EPG5: variants seen among roughly 807,000 people sequenced by gnomAD.
The protein encoded by EPG5 is ectopic P granules protein 5 homolog.
A neutral mutation model predicts 302.7 loss-of-function variants in EPG5; 159 were observed. That is an observed-to-expected ratio of 0.53 (90% confidence interval 0.46 to 0.60). The LOEUF (loss-of-function observed/expected upper bound fraction) is 0.60. EPG5 is among the 20% of genes least tolerant of loss of function. The pLI is 0.00. For synonymous variants in EPG5, 1,158 were observed against 1,136.8 expected, an observed-to-expected ratio of 1.02 and a Z score of -0.37; for missense variants, 2,896 against 3,092.4, an observed-to-expected ratio of 0.94 and a Z score of 1.51.
intron 27 of EPG5, among the ~76,000 whole-genome samples, chr18:45,894,946 G>A (rs1024870079): frequency 6.6e-6 from 1 of 152,150 alleles, no homozygotes; most frequent in African/African-American, 2.4e-5. Context: ...TGAGTAATGA[G>A]AGAATGGAAA....
Position 45,852,742 on chromosome 18 carries a change from A to G in EPG5, c.7558-93T>C, listed in dbSNP as rs560985671. The G allele has an allele frequency of 7.8e-4, 870 of 1,109,374 alleles. 5 individuals carry two copies. Among genetic ancestry groups the G allele is most frequent in the Admixed American group, 8.2e-4 (39 of 47,470 alleles). The allele number at this position is 1,109,374 out of a possible 1,614,324, so 68.7% of individuals were successfully genotyped here. On this transcript the variant is annotated intron_variant, in intron 43 of 43. Coordinates refer to ENST00000282041, the MANE Select transcript of EPG5 (RefSeq NM_020964.3). Reference sequence around the variant, plus strand: ...CACACCCATTATCACTGTGTACTTCAACTGTGAGCCTTGTGGGAAGGAGGC... The same window carrying G: ...CACACCCATTATCACTGTGTACTTCGACTGTGAGCCTTGTGGGAAGGAGGC...
chr18:45,873,894 C>T (rs532217896), intron 35 of EPG5, among the ~76,000 whole-genome samples: 2 of 152,262 alleles, frequency 1.3e-5, no homozygotes, highest in South Asian at 4.1e-4. Context: ...AAAGAGACTT[C>T]AATGTCTATT....
intron 28 of EPG5, 113 bp from the exon 29 acceptor site, chr18:45,888,020 A>G (rs2049255626): frequency 1.3e-6 from 1 of 777,460 alleles, no homozygotes; most frequent in Non-Finnish European, 1.9e-6. Flanking sequence ...TCCTCAGAGC[A>G]CCCATGAAAA....
chr18:45,852,395 A>G lies in EPG5; in HGVS notation c.*72T>C. On this transcript the variant is annotated 3_prime_UTR_variant, in exon 44 of 44. Coordinates refer to ENST00000282041, the MANE Select transcript of EPG5 (RefSeq NM_020964.3). ...TGAGCTCTACAGTGCAATTGAGCAAAGTTACTTGTGCAACAGCAAAGTTAA... is the reference window on the plus strand; with the variant it reads ...TGAGCTCTACAGTGCAATTGAGCAAGGTTACTTGTGCAACAGCAAAGTTAA... 6.9e-7 allele frequency: 1 copy of G among 1,450,524 alleles called. No homozygotes were observed. Among genetic ancestry groups the G allele is most frequent in the Non-Finnish European group, 9.4e-7 (1 of 1,062,600 alleles). 89.9% of individuals were successfully genotyped at this position (1,450,524 alleles called of 1,614,324 possible).
At chr18:45,819,969 C>T in the EPG5 span, among the ~76,000 whole-genome samples, 1 of 152,192 alleles carries the variant, frequency 6.6e-6, no homozygotes, top group Non-Finnish European at 1.5e-5. Flanking sequence ...TCATCATCCT[C>T]ATTTTGCACA....
rs190673127 is a variant in EPG5, at chr18:45,954,978, C to T, written c.424G>A (p.Glu142Lys). The T allele has an allele frequency of 1.2e-4, 201 of 1,614,166 alleles. No individual in the cohort carries two copies. The Middle Eastern group carries it at 1.3e-3, about 11-fold the overall frequency. ...CCACCTTGTACCGACATATTTTCCT[C>T]TACCTCTGTGAAGTTCTTGGGGGTT... is the stretch of plus-strand genomic sequence containing the variant. ...VETPKNFTEV[E>K]ENMSVQGGLS... is the part of the protein sequence containing the mutation. The change falls in exon 2 of 44, where the codon GAG becomes AAG. Residue 142 changes from glutamate to lysine, a missense_variant. Transcript: ENST00000282041.
intron 1 of EPG5, among the ~76,000 whole-genome samples, chr18:45,963,405 G>C (rs2051188279): frequency 6.6e-6 from 1 of 152,228 alleles, no homozygotes; most frequent in Non-Finnish European, 1.5e-5. Flanking sequence ...GGGAGGCCGA[G>C]ATGGGTGGAT....
chr18:45,935,038 C>A, intron 10 of EPG5, 72 bp from the exon 11 acceptor site: 1 of 1,435,964 alleles, frequency 7.0e-7, no homozygotes. Flanking sequence ...AAACCATTGG[C>A]TCTCAAGGAA....
Position 45,910,654 on chromosome 18 carries a change from C to A in EPG5, c.4072G>T (p.Glu1358Ter). 1 of 1,614,150 alleles carries A rather than the reference C, an allele frequency of 6.2e-7. No homozygotes were observed. The highest frequency in any genetic ancestry group is 8.5e-7 in the Non-Finnish European group (1 of 1,180,030). ...LLKEMKRRLT[E>*]VADFHHAASK... is the part of the protein sequence containing the mutation. ...GCAGCATGGTGGAAGTCAGCCACCT[C>A]GGTCAAACGTCTCTTCATTTCTTTC... The change falls in exon 23 of 44, where the codon GAG becomes TAG. Residue 1358 changes from glutamate (E) to a stop codon, truncating the protein, a stop_gained. Coordinates refer to ENST00000282041, the MANE Select transcript of EPG5 (RefSeq NM_020964.3). LOFTEE classifies it high-confidence loss of function.
chr18:45,877,594 A>G (rs2049000855), intron 34 of EPG5, among the ~76,000 whole-genome samples: 1 of 152,206 alleles, frequency 6.6e-6, no homozygotes, highest in Admixed American at 6.5e-5. Flanking sequence ...CCTCTAGCAA[A>G]AGCAAACATT....
the EPG5 span, among the ~76,000 whole-genome samples, chr18:45,813,658 C>T: frequency 6.6e-6 from 1 of 151,650 alleles, no homozygotes; most frequent in East Asian, 1.9e-4. Flanking sequence ...AGCAAACTCT[C>T]ACAAGGACAA....
chr18:45,861,688 A>C (rs1599433016), intron 39 of EPG5, among the ~76,000 whole-genome samples: 1 of 152,310 alleles, frequency 6.6e-6, no homozygotes, highest in East Asian at 1.9e-4. Context: ...CTCACTCAAT[A>C]CTTACAATAT....
In EPG5 at chr18:45,916,551, A is replaced by C. The variant is rs1204792835; in HGVS notation, c.3271T>G (p.Leu1091Val). The C allele has an allele frequency of 3.1e-6, 5 of 1,609,242 alleles. No homozygotes were observed. The African/African-American group carries it at 4.0e-5, about 13-fold the overall frequency. ...ACACCCTGAGGGACACCGCTGTCCAAGTGTAGGAACAAGAGGAGATGCGAT... is the reference window on the plus strand; with the variant it reads ...ACACCCTGAGGGACACCGCTGTCCACGTGTAGGAACAAGAGGAGATGCGAT... ...FLSHLLLFLH[L>V]DSGVPQGVTQ... Residue 1091 changes from leucine (L) to valine (V), a missense_variant, in exon 18 of 44, where the codon TTG (leucine) becomes GTG (valine). Around this residue, in one of 5 missense-constraint regions of EPG5, gnomAD observed 1,390 missense variants for 1,430.0 expected, o/e 0.97. Coordinates refer to ENST00000282041, the MANE Select transcript of EPG5 (RefSeq NM_020964.3).
intron 31 of EPG5, 94 bp downstream of exon 31, chr18:45,882,180 C>T: frequency 8.8e-7 from 1 of 1,131,498 alleles, no homozygotes; most frequent in East Asian, 2.5e-5. Context: ...ACTGGTATTA[C>T]TTTCATATCT....
rs1286730402 is a variant in EPG5 at position 45,934,861 on chromosome 18, C to T, written c.2205G>A (p.Leu735=). ...GCTGCAGGGAGGAGGAGAGCTGCTG[C>T]AGGTTCTCGCTCTCCACCTGGTGCA... The part of the protein sequence containing the change: ...YLMHQVESEN[L]QQLSSSLQPA... The change falls in exon 11 of 44, where the codon CTG becomes CTA. Residue 735 remains leucine (L), a synonymous_variant. Coordinates refer to ENST00000282041, the MANE Select transcript of EPG5 (RefSeq NM_020964.3). 1.2e-6 allele frequency: 2 copies of T among 1,614,182 alleles called. No homozygotes were observed. Among genetic ancestry groups the T allele is most frequent in the Admixed American group, 3.3e-5 (2 of 60,000 alleles).
chr18:45,959,147 C>G (rs1016215816), intron 1 of EPG5, among the ~76,000 whole-genome samples: 2 of 152,206 alleles, frequency 1.3e-5, no homozygotes, highest in Non-Finnish European at 2.9e-5. Context: ...TGAATCGGCT[C>G]TGTCTAGGCA....
At chr18:45,819,469 G>T in the EPG5 span, among the ~76,000 whole-genome samples, 1 of 152,172 alleles carries the variant, frequency 6.6e-6, no homozygotes, top group African/African-American at 2.4e-5. Flanking sequence ...TTCAAGGCCA[G>T]AAAGGAAACA....
chr18:45,827,802 CT>C, the EPG5 span, among the ~76,000 whole-genome samples: 10 of 152,268 alleles, frequency 6.6e-5, no homozygotes, highest in East Asian at 1.7e-3. Flanking sequence ...AGGGTGATTT[CT>C]TTTTTTCTCT....
Position 45,967,307 on chromosome 18 carries a change from T to A in EPG5, c.-68A>T, listed in dbSNP as rs2051289926. Reference sequence around the variant, plus strand: ...CCTGCGCTTCAAGCAACCTGCCCGGTTCTGGCCTCCGGACTGTCACATGAT... The same window carrying A: ...CCTGCGCTTCAAGCAACCTGCCCGGATCTGGCCTCCGGACTGTCACATGAT... On this transcript the variant is annotated 5_prime_UTR_variant, in exon 1 of 44. Coordinates refer to ENST00000282041, the MANE Select transcript of EPG5 (RefSeq NM_020964.3). The A allele has an allele frequency of 6.9e-7, 1 of 1,439,090 alleles. No homozygotes were observed. The highest frequency in any genetic ancestry group is 9.3e-7 in the Non-Finnish European group (1 of 1,075,182). The allele number at this position is 1,439,090 out of a possible 1,614,324, so 89.1% of individuals were successfully genotyped here.
Sources: allele counts gnomAD v4.1 joint callset (sites outside exome capture counted in the v4.1 genomes callset), GRCh38; gene constraint gnomAD v4.1.1; regional missense constraint gnomAD v4.1.1; transcripts MANE v1.5; gene names NCBI Gene and HGNC (gene_info 2026-07-23, HGNC 2026-07-21).